The following IL4R variants were observed in gnomAD, a reference collection of about 807,000 sequenced individuals.
IL4R encodes interleukin 4 receptor.
IL4R carries 17 observed loss-of-function variants against 41.5 expected under a neutral mutation model. The observed-to-expected ratio is 0.41, with a 90% CI of 0.28 to 0.61. The LOEUF is 0.61. Ranked by LOEUF, IL4R falls within the 20% of genes least tolerant of loss-of-function variation. IL4R has a pLI of 0.31. For synonymous variants in IL4R, 402 were observed against 422.9 expected (o/e 0.95, Z 0.61); for missense variants, 974 against 1,043.1 (o/e 0.93, Z 0.91).
chr16:27,352,830 C>A, intron 7 of IL4R, 134 bp downstream of exon 7: 2 of 890,228 alleles, frequency 2.2e-6, no homozygotes, highest in Admixed American at 2.4e-5. Flanking sequence ...CCATTAGATA[C>A]ACCTGCCGTG....
chr16:27,331,433 C>T (rs762145047), intron 2 of IL4R, among the ~76,000 whole-genome samples: 6 of 152,098 alleles, frequency 3.9e-5, no homozygotes, highest in Non-Finnish European at 7.4e-5. Context: ...AATAATATTA[C>T]CTATTTCATA....
At chr16:27,335,100 C>T (rs1340802762) in intron 2 of IL4R, among the ~76,000 whole-genome samples, 4 of 152,154 alleles carry the variant, frequency 2.6e-5, no homozygotes, top group East Asian at 1.9e-4. Context: ...ATTTGTCTGA[C>T]GTTTCCAAAT....
At position 27,363,341 on chromosome 16, in the gene IL4R, C is replaced by T; in HGVS notation, c.1989C>T (p.Arg663=). ...FTFGLDREPP[R]SPQSSHLPSS... ...TTGGACTGGACAGGGAGCCACCTCG[C>T]AGTCCGCAGAGCTCACATCTCCCAA... Residue 663 remains arginine, a synonymous_variant, in exon 11 of 11, where the codon CGC becomes CGT. Transcript: ENST00000395762. 6.2e-7 allele frequency: 1 copy of T among 1,613,856 alleles called. No homozygotes were observed. Among genetic ancestry groups the T allele is most frequent in the Non-Finnish European group, 8.5e-7 (1 of 1,179,906 alleles).
At position 27,323,209 on chromosome 16, in the gene IL4R, C is replaced by T. The variant is rs569091919; in HGVS notation, c.-151-6857C>T. Among the ~76,000 whole-genome samples, 16 of 152,334 alleles carry T rather than the reference C, an allele frequency of 1.1e-4. No individual in the cohort carries two copies. The South Asian group carries it at 2.9e-3, about 28-fold the overall frequency. On this transcript the variant is annotated intron_variant, in intron 1 of 10. Coordinates refer to ENST00000395762, the MANE Select transcript of IL4R (RefSeq NM_000418.4). ...TTTGCCCAGGGGGCAAAGTCCTGGT[C>T]ATTGTTGAGACAAGTTCACTGCTGC...
intron 4 of IL4R, among the ~76,000 whole-genome samples, chr16:27,343,413 TTG>T (rs71137793): frequency 0.036 from 5,436 of 150,370 alleles, 306 homozygotes; most frequent in African/African-American, 0.12. Context: ...TTTATGTTTT[TTG>T]TTTGTTTGTT....
chr16:27,343,918 C>T (rs2085526444), intron 4 of IL4R, among the ~76,000 whole-genome samples: 1 of 152,116 alleles, frequency 6.6e-6, no homozygotes, highest in Admixed American at 6.6e-5. Context: ...GCATAGTGTA[C>T]ACCATTTGGG....
At chr16:27,329,895 A>G (rs1320386392) in intron 1 of IL4R, among the ~76,000 whole-genome samples, 171 bp from the exon 2 acceptor site, 1 of 151,940 alleles carries the variant, frequency 6.6e-6, no homozygotes, top group Admixed American at 6.6e-5. Flanking sequence ...AGGCTTCTGA[A>G]GTGTTTCTGG....
intron 1 of IL4R, among the ~76,000 whole-genome samples, chr16:27,326,686 G>A (rs1229071272): frequency 6.6e-6 from 1 of 152,138 alleles, no homozygotes; most frequent in Admixed American, 6.5e-5. Context: ...AGGAGAATAA[G>A]TGAGGTACTT....
rs1031195786 is a variant in IL4R, at chr16:27,345,535, A to G, written c.361+515A>G. ...ATGATATGACATGCATCACAGGAAT[A>G]AAAACCTGAGGTCTCATGGATATGA... is the stretch of plus-strand genomic sequence containing the variant. On this transcript the variant is annotated intron_variant, in intron 5 of 10. Coordinates refer to ENST00000395762, the MANE Select transcript of IL4R (RefSeq NM_000418.4). This position sits in a 1 kb window ranked among gnomAD's most constrained non-coding sequence, Gnocchi z 4.5. 1 of 237,868 alleles carries G rather than the reference A, an allele frequency of 4.2e-6. No individual in the cohort carries two copies. Among genetic ancestry groups the G allele is most frequent in the African/African-American group, 2.2e-5 (1 of 44,842 alleles). The allele number at this position is 237,868 out of a possible 1,614,324, so 14.7% of individuals were successfully genotyped here.
Position 27,363,941 on chromosome 16 carries a change from A to G in IL4R, c.*111A>G. The G allele has an allele frequency of 7.7e-7, 1 of 1,299,826 alleles. No homozygotes were observed. The highest frequency in any genetic ancestry group is 1.1e-6 in the Non-Finnish European group (1 of 947,302). 80.5% of individuals were successfully genotyped at this position (1,299,826 alleles called of 1,614,324 possible). ...GGCTGGCAGATTTCCAAAAGACTTGAAGAACCATGGTATGAAGGTGATTGG... is the reference window on the plus strand; with the variant it reads ...GGCTGGCAGATTTCCAAAAGACTTGGAGAACCATGGTATGAAGGTGATTGG... On this transcript the variant is annotated 3_prime_UTR_variant, in exon 11 of 11. Coordinates refer to ENST00000395762, the MANE Select transcript of IL4R (RefSeq NM_000418.4).
chr16:27,314,793 C>T (rs2084588543), intron 1 of IL4R, among the ~76,000 whole-genome samples: 1 of 152,120 alleles, frequency 6.6e-6, no homozygotes, highest in Non-Finnish European at 1.5e-5. Context: ...ATGCAGATTC[C>T]CAGGTCCTTG....
In IL4R at chr16:27,345,352, C is replaced by T. The variant is rs2085604494; in HGVS notation, c.361+332C>T. ...GAAAACCGAACTGGGAACATTCCTT[C>T]CATTCTGTGTCCACTGGTCAGCTGC... On this transcript the variant is annotated intron_variant, in intron 5 of 10. Coordinates refer to ENST00000395762, the MANE Select transcript of IL4R (RefSeq NM_000418.4). The surrounding 1 kb of genome is among the most constrained non-coding windows in gnomAD (Gnocchi z 4.5). The T allele has an allele frequency of 1.2e-5, 5 of 427,000 alleles. No individual in the cohort carries two copies. The highest frequency in any genetic ancestry group is 9.2e-5 in the South Asian group (5 of 54,136). The allele number at this position is 427,000 out of a possible 1,614,324, so 26.5% of individuals were successfully genotyped here.
chr16:27,328,205 CAAAA>C (rs779355998), intron 1 of IL4R, among the ~76,000 whole-genome samples: 1 of 70,476 alleles, frequency 1.4e-5, no homozygotes, highest in Non-Finnish European at 2.8e-5. Context: ...GGCTCCATCT[CAAAA>C]AAAAAAAAAA....
chr16:27,355,950 G>A, intron 8 of IL4R, 43 bp downstream of exon 8: 2 of 1,364,596 alleles, frequency 1.5e-6, no homozygotes, highest in Non-Finnish European at 1.0e-6. Flanking sequence ...CCTCTGGAGT[G>A]CAGGGTGGCA....
chr16:27,320,435 C>T (rs921574275), intron 1 of IL4R, among the ~76,000 whole-genome samples: 2 of 152,222 alleles, frequency 1.3e-5, no homozygotes, highest in African/African-American at 4.8e-5. Flanking sequence ...CCACATCACG[C>T]TCTGTGCTGG....
rs530389634 is a variant in IL4R at position 27,332,648 on chromosome 16, G to A, written c.-19+2450G>A. On this transcript the variant is annotated intron_variant, in intron 2 of 10. Transcript: ENST00000395762. ...ATTTTTGATTTCATTGATTTTCCTC[G>A]ATTAATTTTCTATTTTTAATTTCAT... Among the ~76,000 whole-genome samples, 4 of 151,734 alleles carry A rather than the reference G, an allele frequency of 2.6e-5. No homozygotes were observed. In the South Asian group the frequency reaches 6.3e-4, roughly 24 times the overall value.
At chr16:27,344,107 C>A (rs1470735411) in intron 4 of IL4R, among the ~76,000 whole-genome samples, 3 of 151,972 alleles carry the variant, frequency 2.0e-5, no homozygotes, top group African/African-American at 7.3e-5. Context: ...GAGTTCGAGA[C>A]CGGCCTGGCC....
chr16:27,359,950 G>A, intron 9 of IL4R: 1 of 410,186 alleles, frequency 2.4e-6, no homozygotes. Flanking sequence ...GCTGGGCTGG[G>A]CTGGGCAGAT....
rs771542373 is a variant in IL4R, at chr16:27,362,370, G to A, written c.1018G>A (p.Ala340Thr). 1 of 1,614,182 alleles carries A rather than the reference G, an allele frequency of 6.2e-7. No homozygotes were observed. The highest frequency in any genetic ancestry group is 1.3e-5 in the African/African-American group (1 of 75,038). The change falls in exon 11 of 11, where the codon GCA (alanine) becomes ACA (threonine). Residue 340 changes from alanine to threonine, a missense_variant. Around this residue, in one of 3 missense-constraint regions of IL4R, gnomAD observed 682 missense variants for 704.3 expected, o/e 0.97. Coordinates refer to ENST00000395762, the MANE Select transcript of IL4R (RefSeq NM_000418.4). The stretch of plus-strand genomic sequence containing the variant: ...GCCTTTCCAGGGCTCTGGAAAATCA[G>A]CATGGTGCCCAGTGGAGATCAGCAA... ...EMPFQGSGKS[A>T]WCPVEISKTV...
Sources: allele counts gnomAD v4.1 joint callset (sites outside exome capture counted in the v4.1 genomes callset), GRCh38; gene constraint gnomAD v4.1.1; regional missense constraint gnomAD v4.1.1; non-coding constraint Gnocchi (gnomAD v3.1); transcripts MANE v1.5; gene names NCBI Gene and HGNC (gene_info 2026-07-23, HGNC 2026-07-21).